The following ABCB1 variants were observed in gnomAD, a reference collection of about 807,000 sequenced individuals.
ABCB1 encodes ATP-dependent translocase ABCB1.
ABCB1 carries 69 observed loss-of-function variants against 142.0 expected under a neutral mutation model. That is an observed-to-expected ratio of 0.49 (90% CI 0.40 to 0.59). ABCB1 has a LOEUF of 0.59. ABCB1 is among the 20% of genes least tolerant of loss of function. ABCB1 has a pLI of 0.00. For missense variants in ABCB1, 1,326 were observed against 1,554.7 expected (o/e 0.85, Z 2.47); for synonymous variants, 532 against 539.2 (o/e 0.99, Z 0.18).
chr7:87,706,570 A>G (rs983594934), intron 1 of ABCB1, among the ~76,000 whole-genome samples: 1 of 152,220 alleles, frequency 6.6e-6, no homozygotes, highest in African/African-American at 2.4e-5. Context: ...CAACCAAGGC[A>G]TGAGAACTTG....
intron 24 of ABCB1, among the ~76,000 whole-genome samples, chr7:87,516,214 C>T (rs1198178660): frequency 2.6e-5 from 4 of 152,046 alleles, no homozygotes; most frequent in Admixed American, 1.3e-4. Context: ...CTGCTGCACT[C>T]CAGCCTGGAT....
rs28381915 is a variant in ABCB1, at chr7:87,545,956, G to A, written c.1794C>T (p.Ile598=). ...RLSTVRNADV[I]AGFDDGVIVE... ...CAATGACTCCATCATCGAAACCAGCGATGACGTCAGCATTACGAACTGTAG... is the reference window on the plus strand; with the variant it reads ...CAATGACTCCATCATCGAAACCAGCAATGACGTCAGCATTACGAACTGTAG... The change falls in exon 15 of 28, where the codon ATC becomes ATT. Residue 598 remains isoleucine (I), a synonymous_variant. Transcript: ENST00000622132. 301 of 1,614,084 alleles carry A rather than the reference G, an allele frequency of 1.9e-4. 1 individual carries two copies. The Middle Eastern group carries it at 3.1e-3, about 17-fold the overall frequency.
Position 87,680,563 on chromosome 7 carries a change from C to T in ABCB1, c.-331+32598G>A, listed in dbSNP as rs370297606. ...ATCCCAGCACTTAGGGAGGCCAAGGCGAGTGGATCACCTTAGGTCAGGAGT... is the reference window on the plus strand; with the variant it reads ...ATCCCAGCACTTAGGGAGGCCAAGGTGAGTGGATCACCTTAGGTCAGGAGT... On this transcript the variant is annotated intron_variant, in intron 1 of 28. Transcript: ENST00000265724. Among the ~76,000 whole-genome samples the T allele has an allele frequency of 1.1e-3, 163 of 150,620 alleles. 8 individuals carry two copies. Among genetic ancestry groups the T allele is most frequent in the African/African-American group, 3.7e-3 (149 of 40,670 alleles).
chr7:87,625,013 C>T (rs537111322), intron 1 of ABCB1, among the ~76,000 whole-genome samples: 121 of 152,266 alleles, frequency 7.9e-4, no homozygotes, highest in African/African-American at 2.7e-3. Flanking sequence ...TCCCAGCACT[C>T]TGGGAGGCCG....
At chr7:87,690,937 A>G (rs1827955453) in intron 1 of ABCB1, among the ~76,000 whole-genome samples, 1 of 151,152 alleles carries the variant, frequency 6.6e-6, no homozygotes, top group Non-Finnish European at 1.5e-5. Flanking sequence ...ATATATGCAG[A>G]GAGAGAGAGA....
intron 1 of ABCB1, among the ~76,000 whole-genome samples, chr7:87,681,524 G>C (rs987112142): frequency 8.6e-5 from 13 of 150,756 alleles, no homozygotes; most frequent in Non-Finnish European, 1.8e-4. Context: ...AATCTATTAA[G>C]TGTGTAATAG....
intron 1 of ABCB1, among the ~76,000 whole-genome samples, chr7:87,687,778 C>T (rs142596955): frequency 0.01 from 1,557 of 152,238 alleles, 29 homozygotes; most frequent in African/African-American, 0.035. Context: ...CTAAGCATTG[C>T]TCAGGAACTC....
At chr7:87,570,390 T>C (rs1172424744) in intron 4 of ABCB1, among the ~76,000 whole-genome samples, 167 bp from the exon 5 acceptor site, 1 of 152,236 alleles carries the variant, frequency 6.6e-6, no homozygotes, top group African/African-American at 2.4e-5. Flanking sequence ...TTCAAATACT[T>C]CTCTGCTGAC....
rs1826552588 is a variant in ABCB1 at position 87,678,017 on chromosome 7, C to A, written c.-331+35144G>T. On this transcript the variant is annotated intron_variant, in intron 1 of 28. Transcript: ENST00000265724. ...AAGGAAAACTAAGAATTATTACTAG[C>A]AAATCTGGTCTAAAAGAAATGCTAA... is the stretch of plus-strand genomic sequence containing the variant. Among the ~76,000 whole-genome samples the A allele has an allele frequency of 3.3e-5, 5 of 152,140 alleles. No homozygotes were observed. The South Asian group carries it at 1.0e-3, about 31-fold the overall frequency.
intron 7 of ABCB1, among the ~76,000 whole-genome samples, chr7:87,561,954 C>A (rs954539849): frequency 2.6e-5 from 4 of 152,206 alleles, no homozygotes; most frequent in African/African-American, 7.2e-5. Context: ...CCACTGCAGT[C>A]CAGCCTGGGC....
chr7:87,639,369 G>C (rs922682892), intron 1 of ABCB1, among the ~76,000 whole-genome samples: 2 of 152,074 alleles, frequency 1.3e-5, no homozygotes, highest in Non-Finnish European at 2.9e-5. Flanking sequence ...TGTGTATTCT[G>C]TCATTGTTGA....
intron 8 of ABCB1, among the ~76,000 whole-genome samples, chr7:87,557,983 A>G (rs1350738714): frequency 6.6e-6 from 1 of 152,200 alleles, no homozygotes; most frequent in Non-Finnish European, 1.5e-5. Context: ...ATACCTCAGT[A>G]TATTAAGCAA....
intron 1 of ABCB1, among the ~76,000 whole-genome samples, chr7:87,678,717 G>A (rs949803044): frequency 6.6e-6 from 1 of 152,000 alleles, no homozygotes; most frequent in African/African-American, 2.4e-5. Context: ...GATAAAGATA[G>A]GTTAAAAGGA....
chr7:87,664,352 T>C (rs1204702953), intron 1 of ABCB1, among the ~76,000 whole-genome samples: 1 of 151,828 alleles, frequency 6.6e-6, no homozygotes, highest in Non-Finnish European at 1.5e-5. Context: ...AAATAAAATA[T>C]AAAATCTAGG....
intron 17 of ABCB1, among the ~76,000 whole-genome samples, chr7:87,542,766 T>C (rs1183709153): frequency 6.6e-6 from 1 of 151,956 alleles, no homozygotes; most frequent in Non-Finnish European, 1.5e-5. Flanking sequence ...ACTGGCCAAA[T>C]GTTTATATAA....
chr7:87,530,279 T>G lies in ABCB1; in HGVS notation c.2685+1015A>C, dbSNP rs148673731. On this transcript the variant is annotated intron_variant, in intron 21 of 27. Transcript: ENST00000622132. ...CAGTCAGCCCTGCTCTGACCTCTCA[T>G]TTCCACTATGATACAGATCATGTGA... Among the ~76,000 whole-genome samples, 38 of 152,328 alleles carry G rather than the reference T, an allele frequency of 2.5e-4. No homozygotes were observed. In the East Asian group the frequency reaches 7.3e-3, roughly 29 times the overall value.
chr7:87,655,576 T>C (rs1428943587), intron 1 of ABCB1, among the ~76,000 whole-genome samples: 1 of 152,040 alleles, frequency 6.6e-6, no homozygotes, highest in Non-Finnish European at 1.5e-5. Flanking sequence ...AGGAGAGGGA[T>C]CAGAGAGATG....
chr7:87,610,384 A>G (rs1328836142), intron 1 of ABCB1, among the ~76,000 whole-genome samples: 6 of 130,464 alleles, frequency 4.6e-5, no homozygotes, highest in Non-Finnish European at 7.8e-5. Context: ...ACTACATACT[A>G]CCACACCTGG....
intron 1 of ABCB1, among the ~76,000 whole-genome samples, chr7:87,634,929 C>T (rs747278432): frequency 2.8e-4 from 43 of 152,120 alleles, no homozygotes; most frequent in Non-Finnish European, 4.1e-4. Flanking sequence ...CTCTTTTCAA[C>T]GACTAGTCCT....
Sources: allele counts gnomAD v4.1 joint callset (sites outside exome capture counted in the v4.1 genomes callset), GRCh38; gene constraint gnomAD v4.1.1; transcripts MANE v1.5; gene names NCBI Gene and HGNC (gene_info 2026-07-23, HGNC 2026-07-21).